The following UBN2 variants were observed in gnomAD, a reference collection of about 807,000 sequenced individuals.
The protein encoded by UBN2 is ubinuclein 2, also known as ubinuclein-2.
In UBN2, 35 loss-of-function variants were observed where a neutral mutation model predicts 120.2. That is an observed-to-expected ratio of 0.29 (90% CI 0.22 to 0.39). UBN2 has a LOEUF of 0.39. Among genes scored for constraint, UBN2 ranks in the 10% least tolerant of loss-of-function variants. The pLI is 1.00. For synonymous variants in UBN2, 661 were observed against 648.7 expected (o/e 1.02, Z -0.29); for missense variants, 1,693 against 1,663.2 (o/e 1.02, Z -0.31).
intron 2 of UBN2, among the ~76,000 whole-genome samples, chr7:139,248,145 G>A (rs73466681): frequency 0.019 from 2,916 of 152,148 alleles, 100 homozygotes; most frequent in African/African-American, 0.066. Flanking sequence ...TATGGCATAA[G>A]TTCTTAACAG....
chr7:139,317,581 T>A, the UBN2 span, among the ~76,000 whole-genome samples: 5 of 152,210 alleles, frequency 3.3e-5, no homozygotes. Flanking sequence ...TTCCATCTCC[T>A]TATTACTTTT....
chr7:139,243,598 CATT>C (rs1383632975), intron 2 of UBN2, among the ~76,000 whole-genome samples: 1 of 152,152 alleles, frequency 6.6e-6, no homozygotes, highest in Non-Finnish European at 1.5e-5. Context: ...ACAATTTACA[CATT>C]ATTGAATTTT....
intron 6 of UBN2, among the ~76,000 whole-genome samples, chr7:139,263,590 A>G (rs938304779): frequency 6.6e-6 from 1 of 152,082 alleles, no homozygotes; most frequent in Admixed American, 6.5e-5. Context: ...CCTAGCCAAC[A>G]TGGTGAAACC....
chr7:139,297,910 G>A lies in UBN2; in HGVS notation c.*74G>A. ...TACCTGATGGGAAAGTACTTATGTG[G>A]TCATAGGGCTGCTGTTTCTGTCGAT... On this transcript the variant is annotated 3_prime_UTR_variant, in exon 18 of 18. Coordinates refer to ENST00000473989, the MANE Select transcript of UBN2 (RefSeq NM_173569.4). 5 of 1,487,368 alleles carry A rather than the reference G, an allele frequency of 3.4e-6. No homozygotes were observed. The highest frequency in any genetic ancestry group is 4.7e-6 in the Non-Finnish European group (5 of 1,066,608). The allele number at this position is 1,487,368 out of a possible 1,614,324, so 92.1% of individuals were successfully genotyped here.
At chr7:139,263,980 T>G (rs1464958136) in intron 6 of UBN2, among the ~76,000 whole-genome samples, 2 of 152,186 alleles carry the variant, frequency 1.3e-5, no homozygotes, top group African/African-American at 2.4e-5. Context: ...AATCTATTTT[T>G]TATTCACATT....
intron 1 of UBN2, among the ~76,000 whole-genome samples, chr7:139,233,532 A>G (rs1796083552): frequency 6.6e-6 from 1 of 152,158 alleles, no homozygotes; most frequent in Non-Finnish European, 1.5e-5. Context: ...TAGTAGTCCA[A>G]CAGAACTCCA....
chr7:139,284,177 G>C lies in UBN2; in HGVS notation c.3272G>C (p.Ser1091Thr), dbSNP rs747130291. ...PTPKPTVSPS[S>T]SSPNALVAQG... ...CCCAAGCCTACTGTATCCCCAAGTA[G>C]TTCCAGTCCAAATGCACTAGTTGCC... Residue 1091 changes from serine to threonine, a missense_variant, in exon 15 of 18, where the codon AGT (serine) becomes ACT (threonine). Ser to Thr is a moderately conservative substitution (Grantham distance 58). Coordinates refer to ENST00000473989, the MANE Select transcript of UBN2 (RefSeq NM_173569.4). The C allele has an allele frequency of 3.1e-6, 5 of 1,614,118 alleles. No homozygotes were observed. The highest frequency in any genetic ancestry group is 3.4e-6 in the Non-Finnish European group (4 of 1,180,024).
intron 17 of UBN2, among the ~76,000 whole-genome samples, chr7:139,294,536 C>T (rs748036218): frequency 7.9e-5 from 12 of 152,142 alleles, no homozygotes; most frequent in Non-Finnish European, 1.6e-4. Context: ...GGCATTTTAG[C>T]GGAGATGAAA....
In UBN2 at chr7:139,299,828, A is replaced by G. The variant is rs1465161859; in HGVS notation, c.*1992A>G. ...AGTGGACCTCTTGCTTTTACGAAAT[A>G]TGAATAAAAAGGTCTTTGCTTCATA... is the stretch of plus-strand genomic sequence containing the variant. On this transcript the variant is annotated 3_prime_UTR_variant, in exon 18 of 18. Coordinates refer to ENST00000473989, the MANE Select transcript of UBN2 (RefSeq NM_173569.4). The G allele has an allele frequency of 1.3e-5, 2 of 152,162 alleles. No homozygotes were observed. Among genetic ancestry groups the G allele is most frequent in the African/African-American group, 4.8e-5 (2 of 41,430 alleles). 9.4% of individuals were successfully genotyped at this position (152,162 alleles called of 1,614,324 possible).
chr7:139,262,607 C>G (rs988037871), intron 6 of UBN2, among the ~76,000 whole-genome samples: 2 of 150,916 alleles, frequency 1.3e-5, no homozygotes, highest in African/African-American at 4.9e-5. Context: ...CCCAGCTACT[C>G]AGAGGCTGAG....
chr7:139,237,146 T>C, intron 2 of UBN2, 49 bp downstream of exon 2: 1 of 1,412,688 alleles, frequency 7.1e-7, no homozygotes, highest in Non-Finnish European at 9.9e-7. Flanking sequence ...TATTGACCTG[T>C]TTGCTTTCTG....
At position 139,302,226 on chromosome 7, in the gene UBN2, T is replaced by C. The variant is rs2131087106; in HGVS notation, c.*4390T>C. 6.6e-6 allele frequency: 1 copy of C among 152,356 alleles called. No individual in the cohort carries two copies. The allele number at this position is 152,356 out of a possible 1,614,324, so 9.4% of individuals were successfully genotyped here. ...ATGCTGTGTAACCCTCTTCCTTTGC[T>C]TTCTATGTATATGGATATATGTGTA... On this transcript the variant is annotated 3_prime_UTR_variant, in exon 18 of 18. Coordinates refer to ENST00000473989, the MANE Select transcript of UBN2 (RefSeq NM_173569.4).
chr7:139,237,361 G>C (rs1242523113), intron 2 of UBN2, among the ~76,000 whole-genome samples: 1 of 152,120 alleles, frequency 6.6e-6, no homozygotes, highest in Admixed American at 6.5e-5. Context: ...CCGTGGTGCA[G>C]TGTTGGCTCA....
chr7:139,319,131 C>T, the UBN2 span, among the ~76,000 whole-genome samples: 1 of 152,094 alleles, frequency 6.6e-6, no homozygotes, highest in Non-Finnish European at 1.5e-5. Flanking sequence ...GCCCAGGCTG[C>T]AGTGCAGAGG....
intron 17 of UBN2, among the ~76,000 whole-genome samples, chr7:139,294,335 A>G (rs559291149): frequency 3.7e-4 from 56 of 152,340 alleles, no homozygotes; most frequent in Middle Eastern, 6.8e-3. Context: ...GGATTAGCTA[A>G]CTTAATCCTT....
chr7:139,237,775 C>T (rs1796204892), intron 2 of UBN2, among the ~76,000 whole-genome samples: 1 of 152,102 alleles, frequency 6.6e-6, no homozygotes, highest in African/African-American at 2.4e-5. Context: ...TCCCTTTCCG[C>T]CACCATCGAG....
At chr7:139,234,563 A>G (rs545227105) in intron 1 of UBN2, among the ~76,000 whole-genome samples, 2 of 152,348 alleles carry the variant, frequency 1.3e-5, no homozygotes, top group Middle Eastern at 6.8e-3. Flanking sequence ...GAGATGGTTT[A>G]GGATGATGAC....
intron 3 of UBN2, among the ~76,000 whole-genome samples, chr7:139,253,706 A>G (rs1194242384): frequency 6.6e-6 from 1 of 152,234 alleles, no homozygotes; most frequent in Admixed American, 6.5e-5. Flanking sequence ...AACAAATGAA[A>G]GACAAGTCAT....
intron 13 of UBN2, among the ~76,000 whole-genome samples, chr7:139,279,622 C>A (rs1797544378): frequency 6.6e-6 from 1 of 152,154 alleles, no homozygotes; most frequent in Non-Finnish European, 1.5e-5. Flanking sequence ...AATATTCTTT[C>A]ATAGCATAGG....
Sources: gnomAD v4.1 joint callset for allele counts (sites outside exome capture counted in the v4.1 genomes callset) on GRCh38, gnomAD v4.1.1 for gene constraint, MANE v1.5 for transcripts, NCBI Gene and HGNC (gene_info 2026-07-23, HGNC 2026-07-21) for gene names.